SGK1: variants seen among roughly 807,000 people sequenced by gnomAD.
SGK1 encodes serum/glucocorticoid regulated kinase 1.
Under a neutral mutation model 64.2 loss-of-function variants are expected in SGK1, and 26 were observed. The observed-to-expected ratio is 0.40, with a 90% CI of 0.30 to 0.56. The LOEUF (loss-of-function observed/expected upper bound fraction) is 0.56, where lower values mean the gene tolerates loss of function less well. SGK1 is among the 20% of genes least tolerant of loss of function. SGK1 has a pLI of 0.38. For missense variants in SGK1, 519 were observed against 645.6 expected (o/e 0.80, Z 2.12); for synonymous variants, 265 against 239.7 (o/e 1.11, Z -0.98).
chr6:134,300,851 C>T (rs1386839418), intron 1 of SGK1, among the ~76,000 whole-genome samples: 3 of 151,854 alleles, frequency 2.0e-5, no homozygotes, highest in Admixed American at 6.6e-5. Flanking sequence ...CTAGGCTGGT[C>T]TTGAACTCCT....
intron 1 of SGK1, among the ~76,000 whole-genome samples, chr6:134,306,433 A>G (rs1167242211): frequency 3.9e-5 from 6 of 152,146 alleles, no homozygotes; most frequent in African/African-American, 1.4e-4. Flanking sequence ...AAAAAAAAAG[A>G]AAAAACACAC....
At chr6:134,250,872 C>T (rs962550120) in intron 2 of SGK1, among the ~76,000 whole-genome samples, 9 of 152,122 alleles carry the variant, frequency 5.9e-5, no homozygotes, top group Non-Finnish European at 1.2e-4. Context: ...CTCCTGGGCT[C>T]AAGCTGTCCT....
At chr6:134,234,358 G>A (rs1426825431) in intron 2 of SGK1, among the ~76,000 whole-genome samples, 2 of 152,158 alleles carry the variant, frequency 1.3e-5, no homozygotes, top group African/African-American at 2.4e-5. Flanking sequence ...AGCCAAGATC[G>A]TGCCACTGCA....
chr6:134,212,010 A>G (rs1323627440), intron 2 of SGK1, among the ~76,000 whole-genome samples: 2 of 151,868 alleles, frequency 1.3e-5, no homozygotes, highest in East Asian at 3.9e-4. Flanking sequence ...TTGAATTGAA[A>G]TCTGGGTCCT....
chr6:134,224,460 ATG>A (rs1287684437), intron 2 of SGK1, among the ~76,000 whole-genome samples: 1 of 152,148 alleles, frequency 6.6e-6, no homozygotes, highest in African/African-American at 2.4e-5. Flanking sequence ...AAGAATAATA[ATG>A]TGAGTCTTTG....
Position 134,233,229 on chromosome 6 carries a change from T to A in SGK1, c.286-25798A>T, listed in dbSNP as rs187235695. Among the ~76,000 whole-genome samples, 1,347 of 152,332 alleles carry A rather than the reference T, an allele frequency of 8.8e-3. 10 individuals carry two copies. Among genetic ancestry groups the A allele is most frequent in the South Asian group, 0.028 (137 of 4,828 alleles). On this transcript the variant is annotated intron_variant, in intron 2 of 13. Coordinates refer to ENST00000367858, the MANE Select transcript of SGK1 (RefSeq NM_001143676.3). ...TCTCATACTTCTTTCAGTGTAAAAC[T>A]ATTGATGAACTTGAATGCATTTGTA...
At position 134,184,883 on chromosome 6, in the gene SGK1, C is replaced by A. The variant is rs767059453; in HGVS notation, c.362-10297G>T. On this transcript the variant is annotated intron_variant, in intron 3 of 13. Coordinates refer to ENST00000367858, the MANE Select transcript of SGK1 (RefSeq NM_001143676.3). ...TATTATTTGTAGAGATGAGGTCTTG[C>A]GGTGTTAGCCAGGCTGGTCTCGAAC... 3.3e-5 allele frequency among the ~76,000 whole-genome samples: 5 copies of A among 152,060 alleles called. No homozygotes were observed. In the East Asian group the frequency reaches 9.6e-4, roughly 29 times the overall value.
intron 1 of SGK1, among the ~76,000 whole-genome samples, chr6:134,314,808 T>C (rs917190009): frequency 1.3e-5 from 2 of 151,318 alleles, no homozygotes; most frequent in East Asian, 1.9e-4. Context: ...TTTTTTTTTT[T>C]TCCAAAATCT....
At chr6:134,300,211 GAGAGATGAGTTA>G (rs1039024469) in intron 1 of SGK1, among the ~76,000 whole-genome samples, 10 of 152,132 alleles carry the variant, frequency 6.6e-5, no homozygotes, top group African/African-American at 7.2e-5. Context: ...AGAAGATGGG[GAGAGATGAGTTA>G]AGAGATGAGT....
chr6:134,248,717 A>G (rs906872087), intron 2 of SGK1, among the ~76,000 whole-genome samples: 1 of 152,072 alleles, frequency 6.6e-6, no homozygotes, highest in Admixed American at 6.6e-5. Context: ...CTCCTCATAT[A>G]CAACCAATCT....
chr6:134,175,892 G>T (rs978502675), intron 3 of SGK1: 9 of 1,069,904 alleles, frequency 8.4e-6, no homozygotes, highest in East Asian at 6.6e-5. Context: ...AGGAAGGAAG[G>T]AAAGAAAGAG....
intron 1 of SGK1, among the ~76,000 whole-genome samples, chr6:134,294,336 TCCAAAACTGTTTTCATCTTC>T (rs1425961974): frequency 6.6e-6 from 1 of 152,144 alleles, no homozygotes; most frequent in African/African-American, 2.4e-5. Flanking sequence ...CTATCCAGTC[TCCAAAACTGTTTTCATCTTC>T]CCAAACTGAA....
chr6:134,200,015 A>T (rs1038906908), intron 3 of SGK1, among the ~76,000 whole-genome samples: 4 of 152,192 alleles, frequency 2.6e-5, no homozygotes, highest in Non-Finnish European at 4.4e-5. Context: ...GGAAAAACAC[A>T]CATTTTGAAA....
chr6:134,316,694 A>T (rs1777689301), intron 1 of SGK1, among the ~76,000 whole-genome samples: 1 of 148,448 alleles, frequency 6.7e-6, no homozygotes, highest in African/African-American at 2.5e-5. Flanking sequence ...GCATACAGCA[A>T]CATAACCCTG....
intron 2 of SGK1, among the ~76,000 whole-genome samples, chr6:134,250,456 C>G (rs2114735315): frequency 6.6e-6 from 1 of 152,158 alleles, no homozygotes; most frequent in East Asian, 1.9e-4. Flanking sequence ...GATTTATTTA[C>G]TAGGTCAAAA....
chr6:134,302,282 A>G (rs894793210), intron 1 of SGK1, among the ~76,000 whole-genome samples: 4 of 152,218 alleles, frequency 2.6e-5, no homozygotes, highest in African/African-American at 9.6e-5. Flanking sequence ...AAAAAAGCAG[A>G]GTAATTTGGT....
At chr6:134,185,650 T>C (rs1775411140) in intron 3 of SGK1, among the ~76,000 whole-genome samples, 1 of 141,326 alleles carries the variant, frequency 7.1e-6, no homozygotes, top group Non-Finnish European at 1.6e-5. Context: ...GAGAAAGAGA[T>C]GGAGAAAGAG....
In SGK1 at chr6:134,263,042, T is replaced by C. The variant is rs1022782752; in HGVS notation, c.70-894A>G. 2.6e-5 allele frequency among the ~76,000 whole-genome samples: 4 copies of C among 152,308 alleles called. No homozygotes were observed. In the South Asian group the frequency reaches 8.3e-4, roughly 32 times the overall value. ...GTGAAAATGCTACCATGTTTTACAA[T>C]GTTCAAGTACTTTGCCTGGCACATG... On this transcript the variant is annotated intron_variant, in intron 1 of 13. Transcript: ENST00000367858.
At chr6:134,288,632 G>C (rs1777219552) in intron 1 of SGK1, among the ~76,000 whole-genome samples, 2 of 152,154 alleles carry the variant, frequency 1.3e-5, no homozygotes, top group Non-Finnish European at 2.9e-5. Flanking sequence ...ATCATAAGGA[G>C]AACTGATTGC....
Sources: allele counts gnomAD v4.1 joint callset (sites outside exome capture counted in the v4.1 genomes callset), GRCh38; gene constraint gnomAD v4.1.1; transcripts MANE v1.5; gene names NCBI Gene and HGNC (gene_info 2026-07-23, HGNC 2026-07-21).